RSU1: variants seen among roughly 807,000 people sequenced by gnomAD.
The protein encoded by RSU1 is rsu-1.
Under a neutral mutation model 31.1 loss-of-function variants are expected in RSU1, and 26 were observed. The ratio of observed to expected loss-of-function variants is 0.84; its 90% CI spans 0.61 to 1.16. RSU1 has a LOEUF of 1.16. Ranked by LOEUF, RSU1 falls within the 50% of genes most tolerant of loss-of-function variation. RSU1 has a pLI of 0.00. For missense variants in RSU1, 320 were observed against 339.1 expected (o/e 0.94, Z 0.44); for synonymous variants, 164 against 136.3 (o/e 1.20, Z -1.41).
chr10:16,728,565 T>C (rs983579484), intron 7 of RSU1, among the ~76,000 whole-genome samples: 1 of 152,176 alleles, frequency 6.6e-6, no homozygotes, highest in Non-Finnish European at 1.5e-5. Flanking sequence ...TGTGTTACTA[T>C]GTGTGGGAGG....
In RSU1 at chr10:16,752,525, A is replaced by G. The variant is rs760424021; in HGVS notation, c.598+14T>C. On this transcript the variant is annotated intron_variant, in intron 7 of 8. Transcript: ENST00000345264. ...ATGAAACCCAGAACTAAGTTCATTCATCAGCAACCTTACCTAGTTCTGGGG... is the reference window on the plus strand; with the variant it reads ...ATGAAACCCAGAACTAAGTTCATTCGTCAGCAACCTTACCTAGTTCTGGGG... 106 of 1,585,258 alleles carry G rather than the reference A, an allele frequency of 6.7e-5. No homozygotes were observed. The highest frequency in any genetic ancestry group is 5.0e-4 in the Middle Eastern group (3 of 6,044).
chr10:16,769,949 G>A (rs1041961188), intron 3 of RSU1, among the ~76,000 whole-genome samples: 4 of 152,078 alleles, frequency 2.6e-5, no homozygotes, highest in African/African-American at 4.8e-5. Flanking sequence ...TGCTTAAGAC[G>A]GACAACTTTC....
intron 7 of RSU1, among the ~76,000 whole-genome samples, chr10:16,734,452 G>C (rs1168052564): frequency 1.3e-5 from 2 of 152,178 alleles, no homozygotes; most frequent in Admixed American, 1.3e-4. Flanking sequence ...TTACAATGAT[G>C]AATATTTGGG....
intron 2 of RSU1, among the ~76,000 whole-genome samples, chr10:16,797,491 A>G (rs943695614): frequency 6.6e-6 from 1 of 152,234 alleles, no homozygotes; most frequent in South Asian, 2.1e-4. Context: ...AAAATGAGCA[A>G]CATAAAAAAT....
At position 16,807,208 on chromosome 10, in the gene RSU1, C is replaced by T. The variant is rs553204864; in HGVS notation, c.109+9765G>A. The stretch of plus-strand genomic sequence containing the variant: ...CTGAAAAACTAAGAGGCGAAACCTC[C>T]TTGCAAGTAATTGCTTGTTCTGATG... On this transcript the variant is annotated intron_variant, in intron 2 of 8. Coordinates refer to ENST00000345264, the MANE Select transcript of RSU1 (RefSeq NM_012425.4). Among the ~76,000 whole-genome samples, 8 of 152,218 alleles carry T rather than the reference C, an allele frequency of 5.3e-5. No individual in the cohort carries two copies. In the South Asian group the frequency reaches 8.3e-4, roughly 16 times the overall value.
intron 8 of RSU1, among the ~76,000 whole-genome samples, chr10:16,650,099 G>A (rs1834654436): frequency 6.6e-6 from 1 of 151,904 alleles, no homozygotes; most frequent in African/African-American, 2.4e-5. Context: ...CTTTCCCTCA[G>A]GCTCAATCTG....
chr10:16,733,692 G>C (rs1411093247), intron 7 of RSU1, among the ~76,000 whole-genome samples: 1 of 152,124 alleles, frequency 6.6e-6, no homozygotes, highest in African/African-American at 2.4e-5. Flanking sequence ...AAAGAAGTAG[G>C]TGAACAGCTA....
chr10:16,692,028 G>A (rs1406233304), intron 8 of RSU1, among the ~76,000 whole-genome samples: 2 of 152,110 alleles, frequency 1.3e-5, no homozygotes, highest in Non-Finnish European at 2.9e-5. Context: ...AAAGTGCTGG[G>A]ATCATAGGCG....
At chr10:16,612,474 G>A (rs575828949) in intron 8 of RSU1, among the ~76,000 whole-genome samples, 1 of 152,160 alleles carries the variant, frequency 6.6e-6, no homozygotes, top group African/African-American at 2.4e-5. Context: ...CAGCTCCCAA[G>A]GACTAACTGA....
At chr10:16,621,866 A>G (rs962136227) in intron 8 of RSU1, among the ~76,000 whole-genome samples, 1 of 152,196 alleles carries the variant, frequency 6.6e-6, no homozygotes, top group African/African-American at 2.4e-5. Flanking sequence ...AAACCATATC[A>G]ATGACTATGT....
rs115587068 is a variant in RSU1, at chr10:16,616,092, T to C, written c.732-22596A>G. Among the ~76,000 whole-genome samples the C allele has an allele frequency of 8.6e-3, 1,313 of 152,130 alleles. 29 individuals are homozygous for C. The highest frequency in any genetic ancestry group is 0.03 in the African/African-American group (1,248 of 41,494). Reference sequence around the variant, plus strand: ...ACCAGTAAACCCAGGAGTTGGTTTTTTGAGAAGATTAGCAAAATAGACCAC... The same window carrying C: ...ACCAGTAAACCCAGGAGTTGGTTTTCTGAGAAGATTAGCAAAATAGACCAC... On this transcript the variant is annotated intron_variant, in intron 8 of 8. Coordinates refer to ENST00000345264, the MANE Select transcript of RSU1 (RefSeq NM_012425.4).
At chr10:16,619,608 G>A (rs1834035330) in intron 8 of RSU1, among the ~76,000 whole-genome samples, 1 of 152,172 alleles carries the variant, frequency 6.6e-6, no homozygotes, top group Admixed American at 6.5e-5. Flanking sequence ...AAGGTGGCAG[G>A]ACAGAGCCCT....
At chr10:16,602,300 C>T (rs1309656304) in intron 8 of RSU1, among the ~76,000 whole-genome samples, 1 of 152,232 alleles carries the variant, frequency 6.6e-6, no homozygotes, top group African/African-American at 2.4e-5. Flanking sequence ...GTGCCGTGAT[C>T]ACAGCACAAC....
At position 16,689,773 on chromosome 10, in the gene RSU1, A is replaced by T. The variant is rs79042969; in HGVS notation, c.731+5250T>A. Among the ~76,000 whole-genome samples the T allele has an allele frequency of 2.0e-5, 3 of 152,306 alleles. No homozygotes were observed. In the South Asian group the frequency reaches 6.2e-4, roughly 32 times the overall value. ...TTAAGGTTAAAAAAACGGAACACACAAAACACAAATGAGTGGGGAACTTTT... is the reference window on the plus strand; with the variant it reads ...TTAAGGTTAAAAAAACGGAACACACTAAACACAAATGAGTGGGGAACTTTT... On this transcript the variant is annotated intron_variant, in intron 8 of 8. Transcript: ENST00000345264.
At chr10:16,625,632 CCT>C (rs1034586954) in intron 8 of RSU1, among the ~76,000 whole-genome samples, 3 of 152,238 alleles carry the variant, frequency 2.0e-5, no homozygotes, top group African/African-American at 4.8e-5. Context: ...GGAAGTGTCC[CCT>C]GTCAGTCTCA....
chr10:16,758,215 C>A (rs1407397395), intron 4 of RSU1, among the ~76,000 whole-genome samples: 1 of 152,214 alleles, frequency 6.6e-6, no homozygotes, highest in African/African-American at 2.4e-5. Flanking sequence ...TTGCTAGCAA[C>A]AGCCCCAGCT....
chr10:16,778,433 G>C (rs773945558), intron 3 of RSU1, among the ~76,000 whole-genome samples: 2 of 152,000 alleles, frequency 1.3e-5, no homozygotes, highest in Non-Finnish European at 2.9e-5. Flanking sequence ...ATGAACACTC[G>C]GTTTATACAG....
chr10:16,593,753 C>G (rs534158024), intron 8 of RSU1, among the ~76,000 whole-genome samples: 1 of 152,210 alleles, frequency 6.6e-6, no homozygotes, highest in Non-Finnish European at 1.5e-5. Flanking sequence ...GTGGTCAGGC[C>G]CTGCTCAGCC....
intron 7 of RSU1, among the ~76,000 whole-genome samples, chr10:16,747,093 T>G (rs1836871805): frequency 6.6e-6 from 1 of 152,180 alleles, no homozygotes; most frequent in Admixed American, 6.5e-5. Context: ...GAGCCATCTG[T>G]GGTGTCAACC....
Sources: gnomAD v4.1 joint callset for allele counts (sites outside exome capture counted in the v4.1 genomes callset) on GRCh38, gnomAD v4.1.1 for gene constraint, MANE v1.5 for transcripts, NCBI Gene and HGNC (gene_info 2026-07-23, HGNC 2026-07-21) for gene names.